Variants in MAML2 observed in about 807,000 individuals in gnomAD.
MAML2 encodes the protein mastermind-like protein 2.
In MAML2, 22 loss-of-function variants were observed where a neutral mutation model predicts 96.1. The observed-to-expected ratio is 0.23, with a 90% CI of 0.16 to 0.33. The LOEUF (loss-of-function observed/expected upper bound fraction) is 0.33, where lower values mean the gene tolerates loss of function less well. Ranked by LOEUF, MAML2 falls within the 10% of genes least tolerant of loss-of-function variation. The probability of loss-of-function intolerance (pLI) is 1.00; values close to 1 mark genes in which losing one functional copy is unlikely to be tolerated. For missense variants in MAML2, 1,367 were observed against 1,392.4 expected (o/e 0.98, Z 0.29); for synonymous variants, 561 against 521.3 (o/e 1.08, Z -1.04).
At position 96,240,557 on chromosome 11, in the gene MAML2, C is replaced by CAACAAA. The variant is rs568304250; in HGVS notation, c.513+100825_513+100826insTTTGTT. ...TGGGCGACAGAGCGAGACTCCGTCTCAAAAAAAAAAAAAAAAAAAAAAAAA... is the reference window on the plus strand; with the variant it reads ...TGGGCGACAGAGCGAGACTCCGTCTCAACAAAAAAAAAAAAAAAAAAAAAAAAAAAA... On this transcript the variant is annotated intron_variant, in intron 1 of 4. Transcript: ENST00000524717. Among the ~76,000 whole-genome samples the CAACAAA allele has an allele frequency of 1.1e-3, 56 of 51,094 alleles. 5 individuals carry two copies. Among genetic ancestry groups the CAACAAA allele is most frequent in the Non-Finnish European group, 1.7e-3 (44 of 26,112 alleles). The allele number at this position is 51,094 out of a possible 152,430, so 33.5% of individuals were successfully genotyped here.
chr11:96,137,667 C>T (rs570974381), intron 1 of MAML2, among the ~76,000 whole-genome samples: 13 of 152,300 alleles, frequency 8.5e-5, no homozygotes, highest in African/African-American at 2.6e-4. Flanking sequence ...ACTACACATA[C>T]ACTGTGTGAG....
chr11:96,302,002 G>T (rs1863393138), intron 1 of MAML2, among the ~76,000 whole-genome samples: 1 of 152,112 alleles, frequency 6.6e-6, no homozygotes, highest in Admixed American at 6.5e-5. Flanking sequence ...AGCACTTTTT[G>T]TGTGTGTGCT....
intron 1 of MAML2, among the ~76,000 whole-genome samples, chr11:96,202,920 G>A (rs144032106): frequency 1.3e-5 from 2 of 152,186 alleles, no homozygotes; most frequent in East Asian, 3.9e-4. Flanking sequence ...GAGCCATCAC[G>A]TCTAGCCTCA....
At chr11:95,988,109 C>A (rs531069595) in intron 3 of MAML2, among the ~76,000 whole-genome samples, 1 of 133,412 alleles carries the variant, frequency 7.5e-6, no homozygotes, top group African/African-American at 2.9e-5. Flanking sequence ...ATACTGAAGA[C>A]AGGATGTGTG....
At chr11:96,249,153 C>T (rs190073704) in intron 1 of MAML2, among the ~76,000 whole-genome samples, 464 of 152,210 alleles carry the variant, frequency 3.0e-3, no homozygotes, top group South Asian at 7.3e-3. Context: ...GACAAATAAA[C>T]TCTTCCTCCT....
intron 2 of MAML2, among the ~76,000 whole-genome samples, chr11:96,076,428 TCTCTCACACACA>T (rs1164499490): frequency 2.3e-5 from 2 of 88,218 alleles, no homozygotes; most frequent in Admixed American, 1.1e-4. Context: ...TCTCTCTCTC[TCTCTCACACACA>T]CACACACACA....
At chr11:96,206,310 C>G (rs1861894913) in intron 1 of MAML2, among the ~76,000 whole-genome samples, 1 of 152,088 alleles carries the variant, frequency 6.6e-6, no homozygotes, top group African/African-American at 2.4e-5. Flanking sequence ...ATTGAAATTG[C>G]CGGATAGGCG....
rs1330010095 is a variant in MAML2 at position 95,977,163 on chromosome 11, T to A, written c.*1785A>T. 2.1e-5 allele frequency: 4 copies of A among 191,130 alleles called. No individual in the cohort carries two copies. The highest frequency in any genetic ancestry group is 4.4e-5 in the Non-Finnish European group (4 of 91,266). The allele number at this position is 191,130 out of a possible 1,614,324, so 11.8% of individuals were successfully genotyped here. Reference sequence around the variant, plus strand: ...TCATATTATACAAAACTTTGCATATTAGCATACAAAAGGTAGCAATTTACT... The same window carrying A: ...TCATATTATACAAAACTTTGCATATAAGCATACAAAAGGTAGCAATTTACT... On this transcript the variant is annotated 3_prime_UTR_variant, in exon 5 of 5. Coordinates refer to ENST00000524717, the MANE Select transcript of MAML2 (RefSeq NM_032427.4).
At chr11:96,323,091 A>G (rs1185760635) in intron 1 of MAML2, among the ~76,000 whole-genome samples, 1 of 143,072 alleles carries the variant, frequency 7.0e-6, no homozygotes, top group Non-Finnish European at 1.5e-5. Context: ...TTCTAGCATG[A>G]AAAGAGGCTA....
chr11:96,193,219 T>A (rs1419961897), intron 1 of MAML2, among the ~76,000 whole-genome samples: 1 of 152,044 alleles, frequency 6.6e-6, no homozygotes, highest in African/African-American at 2.4e-5. Context: ...ATACAAAAAT[T>A]AGCTGGGCAT....
intron 1 of MAML2, among the ~76,000 whole-genome samples, chr11:96,257,472 C>T (rs981120843): frequency 2.0e-5 from 3 of 152,190 alleles, no homozygotes; most frequent in African/African-American, 7.2e-5. Flanking sequence ...GCATGTTAGG[C>T]ATTTAGTAAA....
intron 1 of MAML2, among the ~76,000 whole-genome samples, chr11:96,322,942 G>A (rs1024694915): frequency 6.6e-6 from 1 of 152,144 alleles, no homozygotes; most frequent in African/African-American, 2.4e-5. Context: ...TAGGCTTCAG[G>A]TTCTTTCGCC....
At chr11:96,271,254 G>T (rs1433081755) in intron 1 of MAML2, among the ~76,000 whole-genome samples, 1 of 152,080 alleles carries the variant, frequency 6.6e-6, no homozygotes, top group African/African-American at 2.4e-5. Context: ...TCCCCTTCAG[G>T]TATACATATA....
rs530713617 is a variant in MAML2 at position 96,103,949 on chromosome 11, C to T, written c.514-10432G>A. 2.0e-5 allele frequency among the ~76,000 whole-genome samples: 3 copies of T among 152,244 alleles called. No homozygotes were observed. The South Asian group carries it at 6.2e-4, about 32-fold the overall frequency. On this transcript the variant is annotated intron_variant, in intron 1 of 4. Coordinates refer to ENST00000524717, the MANE Select transcript of MAML2 (RefSeq NM_032427.4). ...GCAGGCCTTTTGCATATACTGTTTC[C>T]TCTCACCGGATATGCTCTGCCTTCA... is the stretch of plus-strand genomic sequence containing the variant.
chr11:96,000,452 A>G (rs1164910289), intron 2 of MAML2, among the ~76,000 whole-genome samples: 2 of 152,194 alleles, frequency 1.3e-5, no homozygotes, highest in Non-Finnish European at 2.9e-5. Flanking sequence ...CACAAAGCCT[A>G]TAATATTTAC....
Position 96,167,363 on chromosome 11 carries a change from A to C in MAML2, c.514-73846T>G, listed in dbSNP as rs16923153. ...TCCTAGCTGGCCTTCCTCCTGCCAGACTTCCTTCACACTAATCCACTTTAT... is the reference window on the plus strand; with the variant it reads ...TCCTAGCTGGCCTTCCTCCTGCCAGCCTTCCTTCACACTAATCCACTTTAT... On this transcript the variant is annotated intron_variant, in intron 1 of 4. Coordinates refer to ENST00000524717, the MANE Select transcript of MAML2 (RefSeq NM_032427.4). 9.5e-3 allele frequency among the ~76,000 whole-genome samples: 1,442 copies of C among 152,170 alleles called. 16 individuals carry two copies. Among genetic ancestry groups the C allele is most frequent in the Non-Finnish European group, 0.015 (1,041 of 68,006 alleles).
intron 2 of MAML2, among the ~76,000 whole-genome samples, chr11:96,007,059 G>A (rs947473564): frequency 1.3e-5 from 2 of 151,598 alleles, no homozygotes; most frequent in African/African-American, 4.9e-5. Flanking sequence ...CTGGAGTGCA[G>A]TGGCATGATC....
intron 1 of MAML2, among the ~76,000 whole-genome samples, chr11:96,148,142 C>G (rs1860850317): frequency 6.6e-6 from 1 of 152,234 alleles, no homozygotes; most frequent in African/African-American, 2.4e-5. Context: ...GAACCCTCTT[C>G]CCCTGCTCCT....
intron 1 of MAML2, among the ~76,000 whole-genome samples, chr11:96,276,448 G>C (rs1233804219): frequency 6.6e-6 from 1 of 152,136 alleles, no homozygotes; most frequent in Non-Finnish European, 1.5e-5. Context: ...ATCTAAAACA[G>C]CAAAGTCACA....
Sources: allele counts gnomAD v4.1 joint callset (sites outside exome capture counted in the v4.1 genomes callset), GRCh38; gene constraint gnomAD v4.1.1; transcripts MANE v1.5; gene names NCBI Gene and HGNC (gene_info 2026-07-23, HGNC 2026-07-21).